TGFA: variants seen among roughly 807,000 people sequenced by gnomAD.
TGFA encodes transforming growth factor alpha.
TGFA carries 12 observed loss-of-function variants against 21.7 expected under a neutral mutation model. The ratio of observed to expected loss-of-function variants is 0.55; its 90% CI spans 0.35 to 0.90. The LOEUF (loss-of-function observed/expected upper bound fraction) is 0.90, where lower values mean the gene tolerates loss of function less well. Ranked by LOEUF, TGFA falls within the 40% of genes least tolerant of loss-of-function variation. The pLI, the probability that TGFA is intolerant of heterozygous loss-of-function variation, is 0.01. For missense variants in TGFA, 178 were observed against 210.8 expected, an observed-to-expected ratio of 0.84 and a Z score of 0.96; for synonymous variants, 79 against 88.1, an observed-to-expected ratio of 0.90 and a Z score of 0.58.
At chr2:70,546,284 A>G (rs1182848782) in intron 1 of TGFA, among the ~76,000 whole-genome samples, 1 of 136,626 alleles carries the variant, frequency 7.3e-6, no homozygotes, top group Non-Finnish European at 1.6e-5. Context: ...GTGTATTGCA[A>G]AAACCCTTCA....
Position 70,453,666 on chromosome 2 carries a change from T to G in TGFA, c.366-339A>C, listed in dbSNP as rs550049364. ...CTTGATAAAGAACCAGGTGGGTAAT[T>G]CCACAAGTGTAATGGCCTCAGAATT... is the stretch of plus-strand genomic sequence containing the variant. On this transcript the variant is annotated intron_variant, in intron 4 of 5. Transcript: ENST00000295400. 2.6e-5 allele frequency among the ~76,000 whole-genome samples: 4 copies of G among 152,296 alleles called. No homozygotes were observed. The South Asian group carries it at 6.2e-4, about 24-fold the overall frequency.
intron 2 of TGFA, among the ~76,000 whole-genome samples, chr2:70,475,860 G>T (rs1670904395): frequency 6.6e-6 from 1 of 151,738 alleles, no homozygotes; most frequent in Non-Finnish European, 1.5e-5. Context: ...CCCCCAAAAG[G>T]CACAAGGAGG....
At chr2:70,543,846 C>T (rs551547450) in intron 1 of TGFA, among the ~76,000 whole-genome samples, 120 of 152,180 alleles carry the variant, frequency 7.9e-4, no homozygotes, top group African/African-American at 2.7e-3. Flanking sequence ...ATAAAGCTGA[C>T]ATAATATTGA....
chr2:70,541,030 C>T (rs373425), intron 1 of TGFA, among the ~76,000 whole-genome samples: 69,426 of 151,932 alleles, frequency 0.46, 16,464 homozygotes, highest in African/African-American at 0.55. Flanking sequence ...TATAAACGTG[C>T]ACAGCTTTTC....
At chr2:70,515,916 G>T (rs539165952) in intron 1 of TGFA, among the ~76,000 whole-genome samples, 1 of 152,308 alleles carries the variant, frequency 6.6e-6, no homozygotes, top group African/African-American at 2.4e-5. Flanking sequence ...AAAACTACAA[G>T]ATTTTTAAGA....
chr2:70,539,299 C>T (rs1463485836), intron 1 of TGFA, among the ~76,000 whole-genome samples: 1 of 151,972 alleles, frequency 6.6e-6, no homozygotes, highest in Non-Finnish European at 1.5e-5. Context: ...CTATACTTCT[C>T]AAACTTTTCC....
chr2:70,467,340 C>T (rs994963957), intron 2 of TGFA: 1 of 152,174 alleles, frequency 6.6e-6, no homozygotes, highest in African/African-American at 2.4e-5. Context: ...ATGGGTCCTA[C>T]TCAGAGCCCT....
intron 2 of TGFA, among the ~76,000 whole-genome samples, chr2:70,478,960 G>A (rs946447327): frequency 1.2e-4 from 18 of 152,156 alleles, no homozygotes; most frequent in Admixed American, 2.0e-4. Context: ...TGTGTCATTT[G>A]ATAAAAAATT....
Position 70,553,720 on chromosome 2 carries a change from G to T in TGFA, c.40+8C>A. On this transcript the variant is annotated splice_region_variant and intron_variant, in intron 1 of 5. Transcript: ENST00000295400. The stretch of plus-strand genomic sequence containing the variant: ...CGGCGCAGGGGGCGCCGCAGCCGGC[G>T]TACGTACCCAGAGCGAACAGGGCGA... 7.5e-7 allele frequency: 1 copy of T among 1,331,628 alleles called. No homozygotes were observed. Among genetic ancestry groups the T allele is most frequent in the Non-Finnish European group, 9.6e-7 (1 of 1,037,852 alleles). The allele number at this position is 1,331,628 out of a possible 1,614,324, so 82.5% of individuals were successfully genotyped here.
chr2:70,466,025 G>C (rs1553492173), intron 2 of TGFA, among the ~76,000 whole-genome samples: 1 of 152,138 alleles, frequency 6.6e-6, no homozygotes, highest in African/African-American at 2.4e-5. Context: ...TTCAACACAA[G>C]AGCTACCTAA....
chr2:70,553,628 C>G, intron 1 of TGFA, 100 bp downstream of exon 1: 1 of 1,307,260 alleles, frequency 7.6e-7, no homozygotes, highest in Non-Finnish European at 9.7e-7. Context: ...TCTCCACTCT[C>G]CCAGGCGGGC....
chr2:70,505,692 A>C (rs1190766264), intron 2 of TGFA, among the ~76,000 whole-genome samples: 1 of 152,140 alleles, frequency 6.6e-6, no homozygotes, highest in Non-Finnish European at 1.5e-5. Flanking sequence ...GAAAAAAAAA[A>C]CAAAAAACTT....
At chr2:70,501,795 G>A (rs947806995) in intron 2 of TGFA, among the ~76,000 whole-genome samples, 10 of 152,148 alleles carry the variant, frequency 6.6e-5, no homozygotes, top group South Asian at 2.1e-4. Flanking sequence ...GAAATTAGGC[G>A]CTAACTTTTC....
chr2:70,469,510 A>G (rs1670669762), intron 2 of TGFA, among the ~76,000 whole-genome samples: 1 of 151,892 alleles, frequency 6.6e-6, no homozygotes, highest in South Asian at 2.1e-4. Context: ...TAATTTTTGT[A>G]TCTTAGTAGA....
At chr2:70,468,180 C>T (rs1485571375) in intron 2 of TGFA, among the ~76,000 whole-genome samples, 5 of 152,230 alleles carry the variant, frequency 3.3e-5, no homozygotes, top group African/African-American at 1.2e-4. Context: ...TCCCCCCATA[C>T]ATTCAGTGAG....
chr2:70,453,087 G>C, intron 5 of TGFA, 131 bp downstream of exon 5: 1 of 806,714 alleles, frequency 1.2e-6, no homozygotes, highest in South Asian at 1.9e-5. Flanking sequence ...ACCTGACTTG[G>C]TAGAATGAAA....
intron 3 of TGFA, among the ~76,000 whole-genome samples, chr2:70,460,867 G>A (rs1483785610): frequency 1.3e-5 from 2 of 152,162 alleles, no homozygotes; most frequent in African/African-American, 4.8e-5. Flanking sequence ...AACTTCCCGT[G>A]ATCATGACAG....
At chr2:70,515,945 A>G (rs1290463949) in intron 1 of TGFA, among the ~76,000 whole-genome samples, 1 of 152,224 alleles carries the variant, frequency 6.6e-6, no homozygotes, top group Non-Finnish European at 1.5e-5. Context: ...GCAGAGTGTT[A>G]AACCTCAAGC....
At chr2:70,497,022 C>A (rs1216311187) in intron 2 of TGFA, among the ~76,000 whole-genome samples, 1 of 152,276 alleles carries the variant, frequency 6.6e-6, no homozygotes, top group Middle Eastern at 3.4e-3. Flanking sequence ...AATGAGTCAG[C>A]CACTGGAAAA....
Sources: gnomAD v4.1 joint callset for allele counts (sites outside exome capture counted in the v4.1 genomes callset) on GRCh38, gnomAD v4.1.1 for gene constraint, MANE v1.5 for transcripts, NCBI Gene and HGNC (gene_info 2026-07-23, HGNC 2026-07-21) for gene names.